Variants in ARHGEF28 observed in about 807,000 individuals in gnomAD.
The protein encoded by ARHGEF28 is Rho guanine nucleotide exchange factor 28.
A neutral mutation model predicts 206.6 loss-of-function variants in ARHGEF28; 152 were observed. The observed-to-expected ratio is 0.74, with a 90% CI of 0.64 to 0.84. ARHGEF28 has a LOEUF of 0.84. ARHGEF28 is among the 40% of genes least tolerant of loss of function. The pLI is 0.00. For missense variants in ARHGEF28, 2,028 were observed against 2,073.2 expected (o/e 0.98, Z 0.42); for synonymous variants, 763 against 776.4 (o/e 0.98, Z 0.29).
At chr5:73,788,502 T>G (rs1399266493) in intron 7 of ARHGEF28, among the ~76,000 whole-genome samples, 1 of 152,188 alleles carries the variant, frequency 6.6e-6, no homozygotes, top group Non-Finnish European at 1.5e-5. Context: ...ATATTTTGTA[T>G]GTTACATGTA....
chr5:73,662,079 G>A (rs572653201), intron 1 of ARHGEF28, among the ~76,000 whole-genome samples: 28 of 152,186 alleles, frequency 1.8e-4, no homozygotes, highest in Non-Finnish European at 3.4e-4. Context: ...ACAAGCTTGC[G>A]TATCCTGTTG....
intron 35 of ARHGEF28, among the ~76,000 whole-genome samples, chr5:73,924,070 G>GA (rs985994999): frequency 4.1e-4 from 62 of 152,308 alleles, no homozygotes; most frequent in African/African-American, 1.5e-3. Flanking sequence ...CATTCAGGAT[G>GA]AAAAAATAAT....
chr5:73,911,658 C>G, intron 35 of ARHGEF28, 83 bp downstream of exon 35: 1 of 1,335,022 alleles, frequency 7.5e-7, no homozygotes, highest in South Asian at 1.4e-5. Flanking sequence ...TAGAGTGAAT[C>G]AAAGTCCTCC....
chr5:73,761,828 T>C (rs147632714), intron 4 of ARHGEF28, among the ~76,000 whole-genome samples: 2 of 152,138 alleles, frequency 1.3e-5, no homozygotes, highest in Admixed American at 1.3e-4. Flanking sequence ...TTTGCTCAGC[T>C]CAAGTTCCTT....
At chr5:73,708,802 G>A (rs1298959502) in intron 2 of ARHGEF28, among the ~76,000 whole-genome samples, 1 of 152,152 alleles carries the variant, frequency 6.6e-6, no homozygotes, top group Non-Finnish European at 1.5e-5. Context: ...TTCCACAGTG[G>A]TTGAACTAAT....
At chr5:73,655,066 A>T (rs1745098744) in intron 1 of ARHGEF28, among the ~76,000 whole-genome samples, 1 of 152,258 alleles carries the variant, frequency 6.6e-6, no homozygotes. Flanking sequence ...TGGCCTATTC[A>T]CTTCAATGTT....
intron 22 of ARHGEF28, among the ~76,000 whole-genome samples, chr5:73,874,528 A>G (rs1760318524): frequency 6.8e-6 from 1 of 146,270 alleles, no homozygotes; most frequent in East Asian, 2.0e-4. Flanking sequence ...GTCATTTAGC[A>G]TTAGGTATAT....
chr5:73,887,083 G>C (rs1026786298), intron 25 of ARHGEF28, among the ~76,000 whole-genome samples: 2 of 152,172 alleles, frequency 1.3e-5, no homozygotes, highest in African/African-American at 2.4e-5. Flanking sequence ...TCTATTGCTC[G>C]AAGTCATTTG....
intron 2 of ARHGEF28, among the ~76,000 whole-genome samples, chr5:73,714,750 C>T (rs1320114565): frequency 1.3e-5 from 2 of 152,146 alleles, no homozygotes; most frequent in Non-Finnish European, 1.5e-5. Flanking sequence ...ACCTGTGTCA[C>T]CATCACCCAG....
chr5:73,732,766 T>C (rs902687948), intron 2 of ARHGEF28, among the ~76,000 whole-genome samples: 1 of 151,504 alleles, frequency 6.6e-6, no homozygotes, highest in African/African-American at 2.4e-5. Context: ...GCTTAATATA[T>C]GTTTGATGAA....
At chr5:73,632,135 C>T (rs1743407401) in intron 1 of ARHGEF28, among the ~76,000 whole-genome samples, 1 of 152,208 alleles carries the variant, frequency 6.6e-6, no homozygotes, top group South Asian at 2.1e-4. Context: ...TTCTTGTTTG[C>T]AGCACCACTG....
At chr5:73,838,178 T>C (rs1757776665) in intron 10 of ARHGEF28, among the ~76,000 whole-genome samples, 1 of 152,224 alleles carries the variant, frequency 6.6e-6, no homozygotes. Flanking sequence ...ACATAGCAGA[T>C]TGCCAAGTTG....
In ARHGEF28 at chr5:73,697,388, C is replaced by G. The variant is rs142663442; in HGVS notation, c.33+12504C>G. Among the ~76,000 whole-genome samples the G allele has an allele frequency of 7.0e-3, 1,066 of 152,172 alleles. 7 individuals are homozygous for G. Among genetic ancestry groups the G allele is most frequent in the Non-Finnish European group, 8.5e-3 (575 of 68,016 alleles). On this transcript the variant is annotated intron_variant, in intron 2 of 35. Transcript: ENST00000513042. ...TTTTCCATTACTTATAATAGAATAC[C>G]TGAAACTGGGTAATTTATAAGAAAC...
At chr5:73,703,531 C>T (rs774075655) in intron 2 of ARHGEF28, among the ~76,000 whole-genome samples, 15 of 152,054 alleles carry the variant, frequency 9.9e-5, no homozygotes, top group Non-Finnish European at 1.6e-4. Context: ...ATTGTGGTCA[C>T]CTGCTACCTT....
chr5:73,637,094 T>G (rs1260635657), intron 1 of ARHGEF28, among the ~76,000 whole-genome samples: 1 of 152,206 alleles, frequency 6.6e-6, no homozygotes, highest in Non-Finnish European at 1.5e-5. Flanking sequence ...AATAATCAAG[T>G]AATTATTTTT....
At chr5:73,832,599 T>C in intron 10 of ARHGEF28, 140 bp downstream of exon 10, 1 of 1,206,734 alleles carries the variant, frequency 8.3e-7, no homozygotes. Flanking sequence ...TGGGGTCTCA[T>C]TGTATGAGCA....
chr5:73,677,036 C>G (rs1200051765), intron 1 of ARHGEF28, among the ~76,000 whole-genome samples: 1 of 152,170 alleles, frequency 6.6e-6, no homozygotes, highest in Non-Finnish European at 1.5e-5. Context: ...CATTCAGTAA[C>G]AACACCAAGA....
intron 12 of ARHGEF28, among the ~76,000 whole-genome samples, chr5:73,846,986 T>G (rs1333497565): frequency 6.6e-6 from 1 of 152,236 alleles, no homozygotes; most frequent in African/African-American, 2.4e-5. Context: ...TTTATCTTGT[T>G]GGCTATTTCA....
At chr5:73,732,206 G>T (rs1488775950) in intron 2 of ARHGEF28, among the ~76,000 whole-genome samples, 1 of 152,004 alleles carries the variant, frequency 6.6e-6, no homozygotes, top group African/African-American at 2.4e-5. Flanking sequence ...AATCCTCTGT[G>T]CTCTGCCTAT....
Sources: allele counts gnomAD v4.1 joint callset (sites outside exome capture counted in the v4.1 genomes callset), GRCh38; gene constraint gnomAD v4.1.1; transcripts MANE v1.5; gene names NCBI Gene and HGNC (gene_info 2026-07-23, HGNC 2026-07-21).